Variants in RBFOX1 observed in about 807,000 individuals in gnomAD.
RBFOX1 encodes the protein RNA binding fox-1 homolog 1, also known as RNA binding protein fox-1 homolog 1.
A neutral mutation model predicts 57.7 loss-of-function variants in RBFOX1; 8 were observed. That is an observed-to-expected ratio of 0.14 (90% CI 0.08 to 0.25). The LOEUF is 0.25. RBFOX1 is among the 10% of genes least tolerant of loss of function. The probability of loss-of-function intolerance (pLI) is 1.00; values close to 1 mark genes in which losing one functional copy is unlikely to be tolerated. For missense variants in RBFOX1, 611 were observed against 548.5 expected, an observed-to-expected ratio of 1.11 and a Z score of -1.14; for synonymous variants, 326 against 222.4, an observed-to-expected ratio of 1.47 and a Z score of -4.15.
chr16:7,556,183 A>C (rs2088392030), intron 5 of RBFOX1, among the ~76,000 whole-genome samples: 2 of 152,162 alleles, frequency 1.3e-5, no homozygotes, highest in Admixed American at 1.3e-4. Flanking sequence ...CACCATTTAT[A>C]AGGCCCTGAG....
intron 3 of RBFOX1, among the ~76,000 whole-genome samples, chr16:6,709,833 G>A (rs1457330335): frequency 6.6e-6 from 1 of 152,212 alleles, no homozygotes; most frequent in East Asian, 1.9e-4. Context: ...AGATCAGAAC[G>A]CTGGCTGGTA....
chr16:6,260,460 G>A (rs1441419160), intron 1 of RBFOX1, among the ~76,000 whole-genome samples: 1 of 152,114 alleles, frequency 6.6e-6, no homozygotes, highest in East Asian at 1.9e-4. Flanking sequence ...AAATGGAGTG[G>A]GCTAGACTGG....
Position 6,071,501 on chromosome 16 carries a change from C to A in RBFOX1, c.-127+51509C>A, listed in dbSNP as rs558728724. 2.0e-5 allele frequency among the ~76,000 whole-genome samples: 3 copies of A among 151,496 alleles called. No individual in the cohort carries two copies. In the East Asian group the frequency reaches 5.8e-4, roughly 29 times the overall value. The stretch of plus-strand genomic sequence containing the variant: ...ACATGAGTTTACCGATATAACAAAC[C>A]TGCATGTGTAGTCCTGAACTTAAAA... On this transcript the variant is annotated intron_variant, in intron 1 of 15. Coordinates refer to ENST00000550418, the MANE Select transcript of RBFOX1 (RefSeq NM_018723.4).
chr16:7,381,338 A>C (rs1249350847), intron 4 of RBFOX1, among the ~76,000 whole-genome samples: 2 of 152,220 alleles, frequency 1.3e-5, no homozygotes, highest in Non-Finnish European at 2.9e-5. Flanking sequence ...ACTTGTGGGA[A>C]AAGGTATAGT....
At chr16:6,154,203 A>T (rs1567574105) in intron 1 of RBFOX1, among the ~76,000 whole-genome samples, 1 of 152,342 alleles carries the variant, frequency 6.6e-6, no homozygotes, top group East Asian at 1.9e-4. Context: ...CATCTGCAAA[A>T]TGGGTAACTG....
chr16:7,663,780 T>A (rs116889376), intron 12 of RBFOX1, among the ~76,000 whole-genome samples: 409 of 152,302 alleles, frequency 2.7e-3, no homozygotes, highest in Non-Finnish European at 4.5e-3. Flanking sequence ...CAGCTTCATA[T>A]GCAAGATGCC....
chr16:6,604,013 C>A (rs1438239078), intron 2 of RBFOX1, among the ~76,000 whole-genome samples: 2 of 152,060 alleles, frequency 1.3e-5, no homozygotes, highest in Non-Finnish European at 2.9e-5. Context: ...TAACTGTGGT[C>A]CTTTCATGTA....
intron 2 of RBFOX1, among the ~76,000 whole-genome samples, chr16:5,566,168 C>T (rs1054406186): frequency 3.3e-5 from 5 of 152,098 alleles, no homozygotes; most frequent in African/African-American, 7.2e-5. Flanking sequence ...ATGTCTTTAT[C>T]AGCAGCATGA....
intron 1 of RBFOX1, chr16:5,270,686 T>C (rs555236844): frequency 7.6e-5 from 40 of 524,976 alleles, no homozygotes; most frequent in South Asian, 6.7e-4. Context: ...TTGGAAATCA[T>C]GACCTGAGAT....
At chr16:5,518,428 A>G (rs1021794870) in intron 2 of RBFOX1, among the ~76,000 whole-genome samples, 2 of 152,176 alleles carry the variant, frequency 1.3e-5, no homozygotes, top group African/African-American at 4.8e-5. Context: ...CATCAGCTCA[A>G]GACTATTCAG....
chr16:5,843,521 T>C (rs1175060048), intron 3 of RBFOX1, among the ~76,000 whole-genome samples: 1 of 152,216 alleles, frequency 6.6e-6, no homozygotes, highest in Non-Finnish European at 1.5e-5. Flanking sequence ...ATTCCATATA[T>C]GTTCCACATT....
chr16:6,967,282 C>T (rs111703386), intron 3 of RBFOX1, among the ~76,000 whole-genome samples: 2 of 150,016 alleles, frequency 1.3e-5, no homozygotes, highest in Non-Finnish European at 2.9e-5. Context: ...TTTCATCATC[C>T]ATTATCCATC....
chr16:7,241,137 C>A (rs1318336712), intron 4 of RBFOX1, among the ~76,000 whole-genome samples: 1 of 152,128 alleles, frequency 6.6e-6, no homozygotes, highest in Non-Finnish European at 1.5e-5. Context: ...CAGAAGTATC[C>A]CCTGCATTTG....
intron 4 of RBFOX1, among the ~76,000 whole-genome samples, chr16:7,448,244 G>A (rs906278158): frequency 3.3e-5 from 5 of 152,184 alleles, no homozygotes; most frequent in Non-Finnish European, 7.4e-5. Context: ...GTAAATCAAG[G>A]TGTAGGCAAG....
chr16:6,987,338 A>G (rs936199024), intron 3 of RBFOX1, among the ~76,000 whole-genome samples: 2 of 152,090 alleles, frequency 1.3e-5, no homozygotes, highest in Non-Finnish European at 2.9e-5. Context: ...TGAGTGGAGA[A>G]CAAGAGAGAA....
intron 2 of RBFOX1, among the ~76,000 whole-genome samples, chr16:6,478,409 A>G (rs1415470366): frequency 6.5e-5 from 2 of 30,700 alleles, no homozygotes; most frequent in Non-Finnish European, 6.1e-5. Context: ...ATATATATAT[A>G]TATATATATA....
intron 14 of RBFOX1, among the ~76,000 whole-genome samples, chr16:7,695,200 A>G (rs569105094): frequency 1.3e-5 from 2 of 152,206 alleles, no homozygotes; most frequent in Non-Finnish European, 2.9e-5. Flanking sequence ...TGCATGCTTC[A>G]TAAGGTTCCG....
intron 1 of RBFOX1, among the ~76,000 whole-genome samples, chr16:6,225,099 T>A (rs1216418479): frequency 6.6e-6 from 1 of 151,236 alleles, no homozygotes; most frequent in Non-Finnish European, 1.5e-5. Context: ...GCTCCTTTCC[T>A]TCTGGGAAGT....
At chr16:5,612,069 C>T (rs1210373177) in intron 3 of RBFOX1, among the ~76,000 whole-genome samples, 1 of 151,348 alleles carries the variant, frequency 6.6e-6, no homozygotes, top group Non-Finnish European at 1.5e-5. Context: ...CATCTAGTCT[C>T]CCACCCACCT....
Sources: allele counts gnomAD v4.1 joint callset (sites outside exome capture counted in the v4.1 genomes callset), GRCh38; gene constraint gnomAD v4.1.1; transcripts MANE v1.5; gene names NCBI Gene and HGNC (gene_info 2026-07-23, HGNC 2026-07-21).